Variants in VGLL3 observed in about 807,000 individuals in gnomAD.
The protein encoded by VGLL3 is transcription cofactor vestigial-like protein 3.
A neutral mutation model predicts 29.2 loss-of-function variants in VGLL3; 18 were observed. The ratio of observed to expected loss-of-function variants is 0.62; its 90% CI spans 0.43 to 0.91. VGLL3 has a LOEUF of 0.91. Among genes scored for constraint, VGLL3 ranks in the 40% least tolerant of loss-of-function variants. VGLL3 has a pLI of 0.00. For synonymous variants in VGLL3, 180 were observed against 151.8 expected (o/e 1.19, Z -1.36); for missense variants, 440 against 413.2 (o/e 1.06, Z -0.56).
rs141649066 is a variant in VGLL3 at position 86,967,457 on chromosome 3, C to T, written c.937+1133G>A. 1.5e-4 allele frequency among the ~76,000 whole-genome samples: 23 copies of T among 152,134 alleles called. No individual in the cohort carries two copies. In the East Asian group the frequency reaches 1.5e-3, roughly 10 times the overall value. The stretch of plus-strand genomic sequence containing the variant: ...GGAAGCTGAAATGTGTTAGATGGGG[C>T]AATGATCAACAATGGAAAGCTCAGT... On this transcript the variant is annotated intron_variant, in intron 3 of 3. Transcript: ENST00000398399.
intron 3 of VGLL3, among the ~76,000 whole-genome samples, chr3:86,966,671 T>C (rs1301412126): frequency 1.3e-5 from 2 of 150,578 alleles, no homozygotes; most frequent in African/African-American, 4.9e-5. Context: ...CAATGTAATT[T>C]AAGCAAGTAG....
chr3:86,979,558 A>G (rs1323767830), intron 1 of VGLL3, among the ~76,000 whole-genome samples: 1 of 152,152 alleles, frequency 6.6e-6, no homozygotes, highest in East Asian at 1.9e-4. Context: ...ATATAATTCT[A>G]ATAATAATAT....
chr3:86,955,783 A>G (rs1704709748), intron 3 of VGLL3, among the ~76,000 whole-genome samples: 1 of 152,198 alleles, frequency 6.6e-6, no homozygotes, highest in Admixed American at 6.5e-5. Context: ...ATAGGGCTTC[A>G]ATGATTATGA....
intron 1 of VGLL3, among the ~76,000 whole-genome samples, chr3:86,989,822 C>T (rs538619635): frequency 5.5e-4 from 84 of 152,198 alleles, no homozygotes; most frequent in South Asian, 3.5e-3. Flanking sequence ...TGTCCAAGGG[C>T]GCCTCGTGCC....
chr3:86,948,342 A>G (rs899237521), intron 3 of VGLL3, among the ~76,000 whole-genome samples: 3 of 152,176 alleles, frequency 2.0e-5, no homozygotes, highest in Admixed American at 2.0e-4. Flanking sequence ...TAGCTAAATG[A>G]GCCAATTTGG....
At chr3:86,987,512 T>C (rs1705473284) in intron 1 of VGLL3, among the ~76,000 whole-genome samples, 1 of 149,170 alleles carries the variant, frequency 6.7e-6, no homozygotes, top group Admixed American at 6.6e-5. Context: ...ATAAACTGCA[T>C]AATTCTGAAA....
chr3:86,964,422 T>G (rs960538260), intron 3 of VGLL3, among the ~76,000 whole-genome samples: 2 of 152,228 alleles, frequency 1.3e-5, no homozygotes, highest in Non-Finnish European at 2.9e-5. Context: ...GATTTCAAGG[T>G]TTTCTTAATT....
At position 86,940,249 on chromosome 3, in the gene VGLL3, C is replaced by A. The variant is rs1232577286; in HGVS notation, c.*6775G>T. ...AATTCTCTTTTCAATGTTAATGAAT[C>A]GTAGAAAAGTTTTTGTTTGTTTTTT... On this transcript the variant is annotated 3_prime_UTR_variant, in exon 4 of 4. Transcript: ENST00000398399. 1 of 152,222 alleles carries A rather than the reference C, an allele frequency of 6.6e-6. No homozygotes were observed. The highest frequency in any genetic ancestry group is 1.5e-5 in the Non-Finnish European group (1 of 67,990). The allele number at this position is 152,222 out of a possible 1,614,324, so 9.4% of individuals were successfully genotyped here.
intron 2 of VGLL3, among the ~76,000 whole-genome samples, chr3:86,972,912 G>A (rs1705133234): frequency 6.6e-6 from 1 of 151,076 alleles, no homozygotes; most frequent in Non-Finnish European, 1.5e-5. Context: ...AGACAAAAAA[G>A]AAAATGATAA....
chr3:86,975,964 A>T (rs1007205096), intron 2 of VGLL3, among the ~76,000 whole-genome samples: 1 of 152,032 alleles, frequency 6.6e-6, no homozygotes, highest in African/African-American at 2.4e-5. Flanking sequence ...AAATACAAAA[A>T]TTAGCTGGGC....
intron 2 of VGLL3, among the ~76,000 whole-genome samples, chr3:86,970,640 T>C (rs1216827040): frequency 6.6e-6 from 1 of 152,102 alleles, no homozygotes; most frequent in Non-Finnish European, 1.5e-5. Flanking sequence ...GCCATGGTAC[T>C]GAATGTAAAT....
At chr3:86,951,217 A>G (rs1704611659) in intron 3 of VGLL3, among the ~76,000 whole-genome samples, 1 of 152,186 alleles carries the variant, frequency 6.6e-6, no homozygotes, top group South Asian at 2.1e-4. Context: ...AAACTTGAAG[A>G]TTCTAAACAG....
chr3:86,972,708 T>C (rs1444544056), intron 2 of VGLL3, among the ~76,000 whole-genome samples: 1 of 152,194 alleles, frequency 6.6e-6, no homozygotes, highest in Non-Finnish European at 1.5e-5. Flanking sequence ...GAAAATACAA[T>C]ACTTTATGCT....
intron 2 of VGLL3, among the ~76,000 whole-genome samples, chr3:86,973,568 C>T (rs1705149476): frequency 6.6e-6 from 1 of 152,144 alleles, no homozygotes; most frequent in Non-Finnish European, 1.5e-5. Context: ...GGCCTTGTGA[C>T]TCTACAATGA....
Position 86,969,809 on chromosome 3 carries a change from G to A in VGLL3, c.404-686C>T, listed in dbSNP as rs574648402. On this transcript the variant is annotated intron_variant, in intron 2 of 3. Transcript: ENST00000398399. ...TCAAATGCCCAACATTTTTCCAGGG[G>A]CTTTTCATGGATAATCTCATAGGAG... Among the ~76,000 whole-genome samples, 8 of 151,882 alleles carry A rather than the reference G, an allele frequency of 5.3e-5. No homozygotes were observed. The South Asian group carries it at 1.7e-3, about 32-fold the overall frequency.
chr3:86,964,967 G>A (rs1704927709), intron 3 of VGLL3, among the ~76,000 whole-genome samples: 1 of 152,040 alleles, frequency 6.6e-6, no homozygotes, highest in Non-Finnish European at 1.5e-5. Context: ...AGACCAGCCT[G>A]GCCAACATAG....
At chr3:86,949,003 A>T (rs1439619402) in intron 3 of VGLL3, among the ~76,000 whole-genome samples, 1 of 152,194 alleles carries the variant, frequency 6.6e-6, no homozygotes, top group East Asian at 1.9e-4. Context: ...TTATTAAAAC[A>T]TCTCATCCTC....
At chr3:86,973,877 T>C (rs1705155504) in intron 2 of VGLL3, among the ~76,000 whole-genome samples, 1 of 152,232 alleles carries the variant, frequency 6.6e-6, no homozygotes. Flanking sequence ...GCATTCTGTA[T>C]GGTTTTAAGT....
intron 3 of VGLL3, among the ~76,000 whole-genome samples, chr3:86,959,258 C>G (rs187879902): frequency 6.6e-6 from 1 of 152,250 alleles, no homozygotes; most frequent in East Asian, 1.9e-4. Flanking sequence ...ATACTGAGAT[C>G]AAATGATTAT....
Sources: gnomAD v4.1 joint callset for allele counts (sites outside exome capture counted in the v4.1 genomes callset) on GRCh38, gnomAD v4.1.1 for gene constraint, MANE v1.5 for transcripts, NCBI Gene and HGNC (gene_info 2026-07-23, HGNC 2026-07-21) for gene names.